ARL8B: variants seen among roughly 807,000 people sequenced by gnomAD.
ARL8B encodes ADP-ribosylation factor-like protein 8B.
ARL8B carries 9 observed loss-of-function variants against 30.6 expected under a neutral mutation model. The ratio of observed to expected loss-of-function variants is 0.29; its 90% CI spans 0.18 to 0.51. The LOEUF is 0.51. Ranked by LOEUF, ARL8B falls within the 20% of genes least tolerant of loss-of-function variation. The probability of loss-of-function intolerance (pLI) is 0.97; values close to 1 mark genes in which losing one functional copy is unlikely to be tolerated. For missense variants in ARL8B, 130 were observed against 227.2 expected, an observed-to-expected ratio of 0.57 and a Z score of 2.75; for synonymous variants, 74 against 76.0, an observed-to-expected ratio of 0.97 and a Z score of 0.14.
At chr3:5,132,714 A>G (rs1046611276) in intron 1 of ARL8B, among the ~76,000 whole-genome samples, 1 of 152,252 alleles carries the variant, frequency 6.6e-6, no homozygotes, top group Admixed American at 6.5e-5. Context: ...AATGAATAAT[A>G]ACAGCAAAGT....
At chr3:5,149,919 A>C (rs1055770838) in intron 1 of ARL8B, among the ~76,000 whole-genome samples, 2 of 152,228 alleles carry the variant, frequency 1.3e-5, no homozygotes, top group African/African-American at 4.8e-5. Context: ...CAATTGCACA[A>C]ATCCTTTAGT....
chr3:5,130,155 C>T (rs896635060), intron 1 of ARL8B, among the ~76,000 whole-genome samples: 1 of 151,938 alleles, frequency 6.6e-6, no homozygotes, highest in African/African-American at 2.4e-5. Flanking sequence ...TGAGCCACTG[C>T]ACCTGACCAA....
rs1457886857 is a variant in ARL8B at position 5,180,558 on chromosome 3, T to C, written c.*1845T>C. On this transcript the variant is annotated 3_prime_UTR_variant, in exon 7 of 7. Transcript: ENST00000256496. Reference sequence around the variant, plus strand: ...TTAATGTGTTTGTGTGTCTATACATTGCTTTCCGCATTTCAAGACATCCAG... The same window carrying C: ...TTAATGTGTTTGTGTGTCTATACATCGCTTTCCGCATTTCAAGACATCCAG... The C allele has an allele frequency of 6.5e-6, 1 of 152,678 alleles. No individual in the cohort carries two copies. Among genetic ancestry groups the C allele is most frequent in the Non-Finnish European group, 1.5e-5 (1 of 68,030 alleles). 9.5% of individuals were successfully genotyped at this position (152,678 alleles called of 1,614,324 possible). A position where few individuals can be genotyped will look rare whatever the true frequency, so the allele number is the denominator to read the frequency against.
rs1553580545 is a variant in ARL8B at position 5,150,463 on chromosome 3, A to AAAGTAAATAAATAAAT, written c.124-20038_124-20037insGTAAATAAATAAATAA. Among the ~76,000 whole-genome samples the AAAGTAAATAAATAAAT allele has an allele frequency of 2.2e-3, 319 of 146,056 alleles. 1 individual carries two copies. The highest frequency in any genetic ancestry group is 7.5e-3 in the East Asian group (38 of 5,054). ...TGGTGACAGAGCGAGAATCCATGTCAAAATAAATAAATAAATAAATAAATA... is the reference window on the plus strand; with the variant it reads ...TGGTGACAGAGCGAGAATCCATGTCAAAGTAAATAAATAAATAAATAAATAAATAAATAAATAAATA... On this transcript the variant is annotated intron_variant, in intron 1 of 6. Coordinates refer to ENST00000256496, the MANE Select transcript of ARL8B (RefSeq NM_018184.3).
rs542083276 is a variant in ARL8B, at chr3:5,127,830, G to A, written c.123+5242G>A. ...AGAGCTTGCAGTGAGCCAAGATTGC[G>A]CCACTGCACTCCAGCCTGGGCAACA... is the stretch of plus-strand genomic sequence containing the variant. On this transcript the variant is annotated intron_variant, in intron 1 of 6. Coordinates refer to ENST00000256496, the MANE Select transcript of ARL8B (RefSeq NM_018184.3). 1.1e-3 allele frequency among the ~76,000 whole-genome samples: 141 copies of A among 122,888 alleles called. 1 individual carries two copies. Among genetic ancestry groups the A allele is most frequent in the Non-Finnish European group, 1.8e-3 (116 of 63,356 alleles). The allele number at this position is 122,888 out of a possible 152,430, so 80.6% of individuals were successfully genotyped here. A position where few individuals can be genotyped will look rare whatever the true frequency, so the allele number is the denominator to read the frequency against.
intron 1 of ARL8B, among the ~76,000 whole-genome samples, chr3:5,140,743 T>C (rs543522844): frequency 2.0e-5 from 3 of 152,284 alleles, no homozygotes; most frequent in African/African-American, 7.2e-5. Context: ...AATTCTAGGC[T>C]ATAATAATTG....
intron 1 of ARL8B, among the ~76,000 whole-genome samples, chr3:5,125,750 C>G (rs767898404): frequency 1.3e-5 from 2 of 152,274 alleles, no homozygotes; most frequent in Middle Eastern, 3.4e-3. Flanking sequence ...GCAGGCTGTT[C>G]TCGAACTCCT....
At chr3:5,172,881 C>G in intron 4 of ARL8B, 141 bp downstream of exon 4, 1 of 592,602 alleles carries the variant, frequency 1.7e-6, no homozygotes, top group Non-Finnish European at 3.0e-6. Flanking sequence ...TACCATGTAT[C>G]TGCCATATAC....
At chr3:5,128,654 TA>T (rs35515622) in intron 1 of ARL8B, 3 of 212,130 alleles carry the variant, frequency 1.4e-5, no homozygotes, top group Non-Finnish European at 2.9e-5. Context: ...CAAATATTAT[TA>T]AAAAATTTTT....
At chr3:5,126,117 CTTT>C (rs75985076) in intron 1 of ARL8B, among the ~76,000 whole-genome samples, 9 of 145,712 alleles carry the variant, frequency 6.2e-5, no homozygotes, top group Admixed American at 1.4e-4. Context: ...GAATTTCATA[CTTT>C]TTTTTTTTTT....
intron 1 of ARL8B, among the ~76,000 whole-genome samples, chr3:5,161,059 G>C (rs1479046561): frequency 2.0e-5 from 3 of 152,130 alleles, no homozygotes; most frequent in Admixed American, 6.5e-5. Context: ...GCTTGGGACC[G>C]CAGGCATGCC....
In ARL8B at chr3:5,170,577, A is replaced by G; in HGVS notation, c.198A>G (p.Thr66=). ...GGAAGGTAACTAAAGGTAACGTCACAATAAAGGTAAGTTATTTCTTGCCGT... is the reference window on the plus strand; with the variant it reads ...GGAAGGTAACTAAAGGTAACGTCACGATAAAGGTAAGTTATTTCTTGCCGT... The part of the protein sequence containing the change: ...NMRKVTKGNV[T]IKIWDIGGQP... Residue 66 remains threonine, a synonymous_variant, in exon 2 of 7, where the codon ACA becomes ACG. Coordinates refer to ENST00000256496, the MANE Select transcript of ARL8B (RefSeq NM_018184.3). 6.2e-7 allele frequency: 1 copy of G among 1,609,332 alleles called. No individual in the cohort carries two copies. Among genetic ancestry groups the G allele is most frequent in the Non-Finnish European group, 8.5e-7 (1 of 1,176,238 alleles).
chr3:5,178,609 G>C, intron 6 of ARL8B, 55 bp from the exon 7 acceptor site: 2 of 1,541,084 alleles, frequency 1.3e-6, no homozygotes, highest in Non-Finnish European at 1.8e-6. Flanking sequence ...TATTGTCTCT[G>C]TTTGATGTTT....
chr3:5,147,925 G>T (rs573630387), intron 1 of ARL8B, among the ~76,000 whole-genome samples: 1 of 150,194 alleles, frequency 6.7e-6, no homozygotes, highest in East Asian at 1.9e-4. Flanking sequence ...TTGTGTCCTA[G>T]GAGTGGACTC....
intron 1 of ARL8B, among the ~76,000 whole-genome samples, chr3:5,139,827 C>T (rs1314686251): frequency 6.6e-6 from 1 of 152,168 alleles, no homozygotes; most frequent in East Asian, 1.9e-4. Context: ...CCTGGGAATT[C>T]TGAATGAGTC....
intron 1 of ARL8B, among the ~76,000 whole-genome samples, chr3:5,152,470 A>C (rs2054493229): frequency 6.6e-6 from 1 of 151,922 alleles, no homozygotes; most frequent in Non-Finnish European, 1.5e-5. Flanking sequence ...CCTCTCCCTA[A>C]ATTATATTAA....
At chr3:5,163,319 T>C (rs1277698297) in intron 1 of ARL8B, among the ~76,000 whole-genome samples, 3 of 152,122 alleles carry the variant, frequency 2.0e-5, no homozygotes, top group African/African-American at 7.2e-5. Flanking sequence ...TATGCAGTTT[T>C]TGGTTTTCTG....
intron 1 of ARL8B, among the ~76,000 whole-genome samples, chr3:5,160,423 A>C (rs2054570804): frequency 1.3e-5 from 2 of 152,208 alleles, no homozygotes; most frequent in Non-Finnish European, 2.9e-5. Context: ...CATATGAAAT[A>C]ATCTTTAGAG....
chr3:5,143,509 G>T (rs904533742), intron 1 of ARL8B, among the ~76,000 whole-genome samples: 1 of 152,202 alleles, frequency 6.6e-6, no homozygotes, highest in Admixed American at 6.5e-5. Context: ...TCCTCCCGTA[G>T]CACAGGTGAT....
Sources: allele counts gnomAD v4.1 joint callset (sites outside exome capture counted in the v4.1 genomes callset), GRCh38; gene constraint gnomAD v4.1.1; transcripts MANE v1.5; gene names NCBI Gene and HGNC (gene_info 2026-07-23, HGNC 2026-07-21).